Variants in MYCBPAP observed in about 807,000 individuals in gnomAD.
MYCBPAP encodes MYCBP-associated protein.
A neutral mutation model predicts 106.1 loss-of-function variants in MYCBPAP; 60 were observed. The ratio of observed to expected loss-of-function variants is 0.57; its 90% CI spans 0.46 to 0.70. The LOEUF (loss-of-function observed/expected upper bound fraction) is 0.70. MYCBPAP is among the 30% of genes least tolerant of loss of function. The pLI is 0.00. For synonymous variants in MYCBPAP, 407 were observed against 440.6 expected (o/e 0.92, Z 0.95); for missense variants, 1,064 against 1,169.3 (o/e 0.91, Z 1.31).
At chr17:50,518,471 G>A (rs995544626) in intron 4 of MYCBPAP, 70 bp from the exon 5 acceptor site, 11 of 1,392,126 alleles carry the variant, frequency 7.9e-6, no homozygotes, top group African/African-American at 3.0e-5. Flanking sequence ...TTTAGGCCTC[G>A]GGAAATGTGT....
intron 18 of MYCBPAP, among the ~76,000 whole-genome samples, chr17:50,530,656 T>C (rs1401513590): frequency 1.3e-5 from 2 of 149,802 alleles, no homozygotes; most frequent in Non-Finnish European, 3.0e-5. Context: ...AATCAACTTG[T>C]CTGGGCTTGT....
At position 50,517,595 on chromosome 17, in the gene MYCBPAP, G is replaced by T. The variant is rs1210538835; in HGVS notation, c.365G>T (p.Gly122Val). The T allele has an allele frequency of 1.4e-5, 23 of 1,613,982 alleles. No individual in the cohort carries two copies. Among genetic ancestry groups the T allele is most frequent in the Non-Finnish European group, 1.9e-5 (22 of 1,180,012 alleles). ...CCCCTTTCTTCTTTTATCCTCCCAG[G>T]TCCCGGTGACAGCTTCGATGGCAGT... is the stretch of plus-strand genomic sequence containing the variant. ...DEATKPLDYS[G>V]PGDSFDGSDQ... The change falls in exon 4 of 19, where the codon GGT becomes GTT. Residue 122 changes from glycine to valine, a missense_variant and splice_region_variant. Gly to Val is a moderately radical substitution (Grantham distance 109). Transcript: ENST00000323776.
At chr17:50,528,298 T>C (rs1402462040) in intron 16 of MYCBPAP, 28 bp downstream of exon 16, 1 of 1,536,816 alleles carries the variant, frequency 6.5e-7, no homozygotes, top group Non-Finnish European at 9.0e-7. Flanking sequence ...CAACCACACC[T>C]CTGCATAGCC....
intron 13 of MYCBPAP, among the ~76,000 whole-genome samples, chr17:50,525,376 A>T (rs1782913507): frequency 6.6e-6 from 1 of 152,254 alleles, no homozygotes; most frequent in South Asian, 2.1e-4. Context: ...CTGCTGCCCT[A>T]GGTGACAGTA....
rs143070501 is a variant in MYCBPAP at position 50,525,093 on chromosome 17, C to T, written c.1782+70C>T. ...TCAAGGGTCCCCAACCCGCAGGCCGCACAGCGGCAGGTGAGCAGTGGGTGA... is the reference window on the plus strand; with the variant it reads ...TCAAGGGTCCCCAACCCGCAGGCCGTACAGCGGCAGGTGAGCAGTGGGTGA... On this transcript the variant is annotated intron_variant, in intron 13 of 18. Coordinates refer to ENST00000323776, the MANE Select transcript of MYCBPAP (RefSeq NM_032133.6). 2.0e-4 allele frequency: 309 copies of T among 1,545,640 alleles called. No individual in the cohort carries two copies. The East Asian group carries it at 6.9e-3, about 35-fold the overall frequency.
rs1344647938 is a variant in MYCBPAP, at chr17:50,519,786, A to G, written c.915A>G (p.Thr305=). Residue 305 remains threonine (T), a splice_region_variant and synonymous_variant, in exon 7 of 19, where the codon ACA becomes ACG. Coordinates refer to ENST00000323776, the MANE Select transcript of MYCBPAP (RefSeq NM_032133.6). ...IRKPHSIRVE[T]GLPAQRDASY... is the part of the protein sequence containing the mutation. ...AGCCCCACTCCATCCGGGTGGAGAC[A>G]GGTGAGGCGCAGGGCTGTAAGCCAG... 14 of 1,613,334 alleles carry G rather than the reference A, an allele frequency of 8.7e-6. No homozygotes were observed. The highest frequency in any genetic ancestry group is 1.1e-5 in the Non-Finnish European group (13 of 1,179,772).
At chr17:50,523,151 T>C (rs2034339229) in intron 11 of MYCBPAP, 23 bp downstream of exon 11, 1 of 1,607,990 alleles carries the variant, frequency 6.2e-7, no homozygotes, top group Non-Finnish European at 8.5e-7. Context: ...AGCCACCCTA[T>C]GTGCTAGCTC....
upstream of MYCBPAP, chr17:50,508,362 C>A: frequency 1.9e-6 from 1 of 519,192 alleles, no homozygotes; most frequent in South Asian, 3.1e-5. Flanking sequence ...TCGCCCGGGT[C>A]CCCCGCCCCG....
intron 10 of MYCBPAP, 129 bp downstream of exon 10, chr17:50,522,210 T>A: frequency 1.6e-6 from 1 of 645,028 alleles, no homozygotes; most frequent in Non-Finnish European, 2.7e-6. Flanking sequence ...ATTCAGCACG[T>A]CTGAAAATGG....
intron 1 of MYCBPAP, among the ~76,000 whole-genome samples, chr17:50,513,841 A>C (rs1371500253): frequency 6.6e-6 from 1 of 152,184 alleles, no homozygotes; most frequent in Non-Finnish European, 1.5e-5. Context: ...TTTGTGTAGA[A>C]GGGAGAAGGG....
At chr17:50,527,198 C>T in intron 14 of MYCBPAP, 89 bp from the exon 15 acceptor site, 1 of 1,563,854 alleles carries the variant, frequency 6.4e-7, no homozygotes, top group South Asian at 1.2e-5. Context: ...TTCCTGGTCC[C>T]CTGCCACCCA....
Position 50,527,319 on chromosome 17 carries a change from A to G in MYCBPAP, c.2202A>G (p.Arg734=), listed in dbSNP as rs779782744. ...AVMVLPDENH[R]EDALMRLNKA... is the part of the protein sequence containing the mutation. ...TGGTGCTCCCTGATGAGAACCACAG[A>G]GAGGATGCGTTGATGAGGCTCAACA... Residue 734 remains arginine, a synonymous_variant, in exon 15 of 19, where the codon AGA becomes AGG. Transcript: ENST00000323776. 6.2e-7 allele frequency: 1 copy of G among 1,614,120 alleles called. No homozygotes were observed. Among genetic ancestry groups the G allele is most frequent in the Non-Finnish European group, 8.5e-7 (1 of 1,179,988 alleles).
At chr17:50,509,727 G>C (rs1340868076) in intron 1 of MYCBPAP, 1 of 155,526 alleles carries the variant, frequency 6.4e-6, no homozygotes, top group African/African-American at 2.4e-5. Context: ...GATTTTGTGT[G>C]GTACTGTGGC....
intron 1 of MYCBPAP, among the ~76,000 whole-genome samples, chr17:50,512,053 C>CTT (rs774304337): frequency 0.2 from 26,318 of 131,680 alleles, 2,910 homozygotes; most frequent in African/African-American, 0.23. Flanking sequence ...AGCAAGTTTT[C>CTT]TTTTTTTTTT....
intron 15 of MYCBPAP, among the ~76,000 whole-genome samples, 188 bp downstream of exon 15, chr17:50,527,596 C>A (rs2034502874): frequency 6.6e-6 from 1 of 152,226 alleles, no homozygotes; most frequent in Admixed American, 6.5e-5. Context: ...GCAGTCACAG[C>A]AGATCAAACA....
Position 50,520,526 on chromosome 17 carries a change from TAAATAAAC to T in MYCBPAP, c.917-580_917-573del, listed in dbSNP as rs936845644. 2.7e-4 allele frequency among the ~76,000 whole-genome samples: 41 copies of T among 150,024 alleles called. 1 individual carries two copies. Among genetic ancestry groups the T allele is most frequent in the South Asian group, 1.9e-3 (9 of 4,712 alleles). On this transcript the variant is annotated intron_variant, in intron 7 of 18. Coordinates refer to ENST00000323776, the MANE Select transcript of MYCBPAP (RefSeq NM_032133.6). ...GTCTTAAAATAAATAAATAAATAAA[TAAATAAAC>T]AAACAAACAAACTATATTACTAAAA...
intron 1 of MYCBPAP, chr17:50,509,129 G>T (rs2033728406): frequency 4.3e-6 from 3 of 702,920 alleles, no homozygotes; most frequent in Non-Finnish European, 7.8e-6. Flanking sequence ...CAGGAATTGG[G>T]GTCCTTGGGA....
At chr17:50,531,179 AT>A (rs1400833459) in intron 18 of MYCBPAP, 147 bp from the exon 19 acceptor site, 1 of 576,684 alleles carries the variant, frequency 1.7e-6, no homozygotes, top group Non-Finnish European at 2.9e-6. Flanking sequence ...AAAACCAAAA[AT>A]TATTTCACAA....
chr17:50,518,939 C>T lies in MYCBPAP; in HGVS notation c.653-35C>T, dbSNP rs552309985. On this transcript the variant is annotated intron_variant, in intron 5 of 18. Coordinates refer to ENST00000323776, the MANE Select transcript of MYCBPAP (RefSeq NM_032133.6). ...GCCAAGGCCCCTGTTTGTTCTGGTT[C>T]GGCAGAGTGGCGGCAATCTTGCCTC... 1.7e-5 allele frequency: 27 copies of T among 1,589,556 alleles called. 1 individual carries two copies. The East Asian group carries it at 2.5e-4, about 14-fold the overall frequency.
Sources: allele counts gnomAD v4.1 joint callset (sites outside exome capture counted in the v4.1 genomes callset), GRCh38; gene constraint gnomAD v4.1.1; transcripts MANE v1.5; gene names NCBI Gene and HGNC (gene_info 2026-07-23, HGNC 2026-07-21).